The following CD200 variants were observed in gnomAD, a reference collection of about 807,000 sequenced individuals.
The protein encoded by CD200 is OX-2 membrane glycoprotein.
A neutral mutation model predicts 30.9 loss-of-function variants in CD200; 15 were observed. The ratio of observed to expected loss-of-function variants is 0.49; its 90% CI spans 0.32 to 0.75. The LOEUF is 0.75. CD200 is among the 30% of genes least tolerant of loss of function. The pLI, the probability that CD200 is intolerant of heterozygous loss-of-function variation, is 0.03. For synonymous variants in CD200, 134 were observed against 126.2 expected (o/e 1.06, Z -0.41); for missense variants, 262 against 324.2 (o/e 0.81, Z 1.47).
At position 112,340,214 on chromosome 3, in the gene CD200, C is replaced by T. The variant is rs955747989; in HGVS notation, c.13-688C>T. Among the ~76,000 whole-genome samples the T allele has an allele frequency of 2.0e-5, 3 of 152,098 alleles. No homozygotes were observed. The East Asian group carries it at 5.8e-4, about 29-fold the overall frequency. On this transcript the variant is annotated intron_variant, in intron 1 of 5. Transcript: ENST00000315711. ...ATACATACAGACCAAATGAATGGAT[C>T]CATGGCACTATTGCAGAGAAAAGTT...
chr3:112,354,323 T>A (rs549833049), intron 5 of CD200, among the ~76,000 whole-genome samples: 2 of 152,372 alleles, frequency 1.3e-5, no homozygotes, highest in African/African-American at 4.8e-5. Context: ...TAGCTGTCAG[T>A]ACCTGTTAGA....
Position 112,345,078 on chromosome 3 carries a change from A to G in CD200, c.211A>G (p.Ser71Gly), listed in dbSNP as rs759987567. The G allele has an allele frequency of 1.4e-5, 22 of 1,614,018 alleles. No individual in the cohort carries two copies. The highest frequency in any genetic ancestry group is 1.4e-5 in the Non-Finnish European group (17 of 1,180,026). Reference sequence around the variant, plus strand: ...GACATGGCAGAAAAAGAAAGCTGTAAGCCCAGAAAACATGGTCACCTTCAG... The same window carrying G: ...GACATGGCAGAAAAAGAAAGCTGTAGGCCCAGAAAACATGGTCACCTTCAG... ...IVTWQKKKAV[S>G]PENMVTFSEN... Residue 71 changes from serine to glycine, a missense_variant, in exon 3 of 6, where the codon AGC becomes GGC. By Grantham distance (56) the Ser-to-Gly change is moderately conservative (BLOSUM62 0). Transcript: ENST00000315711.
At position 112,333,181 on chromosome 3, in the gene CD200, C is replaced by A; in HGVS notation, c.-32C>A. 6.5e-7 allele frequency: 1 copy of A among 1,549,300 alleles called. No individual in the cohort carries two copies. Among genetic ancestry groups the A allele is most frequent in the Non-Finnish European group, 8.7e-7 (1 of 1,146,602 alleles). On this transcript the variant is annotated 5_prime_UTR_variant, in exon 1 of 6. Transcript: ENST00000315711. ...AGAGCTCCAGGCGCACATCCGCAGT[C>A]AGCCACCTCGCGCGCGCCTCCAGGA...
intron 1 of CD200, chr3:112,334,349 T>G (rs1199505388): frequency 1.7e-6 from 1 of 581,160 alleles, no homozygotes; most frequent in Non-Finnish European, 2.2e-6. Context: ...GCAAGGGTTA[T>G]AAGTGGGCTT....
At chr3:112,333,407 G>T in intron 1 of CD200, 183 bp downstream of exon 1, 1 of 985,436 alleles carries the variant, frequency 1.0e-6, no homozygotes, top group South Asian at 4.7e-5. Flanking sequence ...CTGAGAAACG[G>T]ATTTTGCCTT....
At chr3:112,351,776 C>T (rs1374192535) in intron 5 of CD200, among the ~76,000 whole-genome samples, 1 of 152,122 alleles carries the variant, frequency 6.6e-6, no homozygotes. Context: ...TATTTGGTTT[C>T]TAAAGGCTAT....
At chr3:112,333,790 G>A in intron 1 of CD200, 3 of 985,416 alleles carry the variant, frequency 3.0e-6, no homozygotes, top group Non-Finnish European at 3.6e-6. Flanking sequence ...ATCAGTTAAA[G>A]CTGAAGCTAC....
chr3:112,333,034 CACAG>C (rs1198280415), upstream of CD200: 12 of 828,650 alleles, frequency 1.4e-5, no homozygotes, highest in East Asian at 2.7e-5. Flanking sequence ...ATTCCCCCCA[CACAG>C]ACAGCCTCCG....
chr3:112,345,411 C>A lies in CD200; in HGVS notation c.421+123C>A. On this transcript the variant is annotated intron_variant, in intron 3 of 5. Transcript: ENST00000315711. ...ACAGAAAGGGTCATGAGAAGATAGC[C>A]TTTCTTGTCTACTATAGCTGTGTTT... The A allele has an allele frequency of 4.1e-6, 3 of 723,284 alleles. No homozygotes were observed. The South Asian group carries it at 5.5e-5, about 13-fold the overall frequency. 44.8% of individuals were successfully genotyped at this position (723,284 alleles called of 1,614,324 possible). A position where few individuals can be genotyped will look rare whatever the true frequency, so the allele number is the denominator to read the frequency against.
At position 112,361,685 on chromosome 3, in the gene CD200, C is replaced by T; in HGVS notation, c.*135C>T. ...AGGTGGGAGCGAAAGCCTTAAGGAT[C>T]CCACGACTTTTTACTGCCATCTGAG... On this transcript the variant is annotated 3_prime_UTR_variant, in exon 6 of 6. Transcript: ENST00000315711. 1 of 823,718 alleles carries T rather than the reference C, an allele frequency of 1.2e-6. No individual in the cohort carries two copies. Among genetic ancestry groups the T allele is most frequent in the South Asian group, 1.4e-5 (1 of 69,950 alleles). The allele number at this position is 823,718 out of a possible 1,614,324, so 51.0% of individuals were successfully genotyped here. A position where few individuals can be genotyped will look rare whatever the true frequency, so the allele number is the denominator to read the frequency against.
intron 5 of CD200, among the ~76,000 whole-genome samples, chr3:112,359,184 C>G (rs1265919391): frequency 6.6e-6 from 1 of 152,130 alleles, no homozygotes; most frequent in African/African-American, 2.4e-5. Context: ...AAAACTTCTT[C>G]AGACCAGATG....
At chr3:112,333,131 G>A, upstream of CD200, 4 of 1,538,672 alleles carry the variant, frequency 2.6e-6, no homozygotes, top group Non-Finnish European at 2.6e-6. Flanking sequence ...AGGGGCACAG[G>A]TGACGCTCCT....
intron 5 of CD200, among the ~76,000 whole-genome samples, chr3:112,356,907 G>C (rs187840790): frequency 3.8e-4 from 58 of 152,266 alleles, no homozygotes; most frequent in African/African-American, 5.3e-4. Flanking sequence ...GATAATAATT[G>C]TAACTGTATC....
At chr3:112,360,402 C>A (rs115236720) in intron 5 of CD200, among the ~76,000 whole-genome samples, 43 of 151,984 alleles carry the variant, frequency 2.8e-4, no homozygotes, top group Non-Finnish European at 5.9e-4. Flanking sequence ...GGTTGCCCAT[C>A]CAAGAAGTGT....
chr3:112,358,784 C>A (rs1046727763), intron 5 of CD200, among the ~76,000 whole-genome samples: 1 of 152,228 alleles, frequency 6.6e-6, no homozygotes, highest in Non-Finnish European at 1.5e-5. Flanking sequence ...TCTGTCTTCT[C>A]TGCACTAAAC....
Position 112,347,587 on chromosome 3 carries a change from T to G in CD200, c.451T>G (p.Phe151Val). ...VQPIVSLHYK[F>V]SEDHLNITCS... ...GCCCATAGTATCCCTTCACTACAAA[T>G]TCTCTGAAGACCACCTAAATATCAC... The change falls in exon 4 of 6, where the codon TTC becomes GTC. Residue 151 changes from phenylalanine to valine, a missense_variant. Transcript: ENST00000315711. 4 of 1,613,992 alleles carry G rather than the reference T, an allele frequency of 2.5e-6. No individual in the cohort carries two copies. Among genetic ancestry groups the G allele is most frequent in the Non-Finnish European group, 3.4e-6 (4 of 1,179,890 alleles).
chr3:112,359,403 A>G (rs912241716), intron 5 of CD200, among the ~76,000 whole-genome samples: 1 of 152,216 alleles, frequency 6.6e-6, no homozygotes, highest in East Asian at 1.9e-4. Context: ...TTCAAAATGC[A>G]TAGTCTCACC....
Position 112,344,995 on chromosome 3 carries a change from T to G in CD200, c.128T>G (p.Leu43Arg). 1 of 1,614,024 alleles carries G rather than the reference T, an allele frequency of 6.2e-7. No homozygotes were observed. Among genetic ancestry groups the G allele is most frequent in the Non-Finnish European group, 8.5e-7 (1 of 1,179,942 alleles). Residue 43 changes from leucine (L) to arginine (R), a missense_variant, in exon 3 of 6, where the codon CTG (leucine) becomes CGG (arginine). Coordinates refer to ENST00000315711, the MANE Select transcript of CD200 (RefSeq NM_005944.7). Reference protein sequence around the residue: ...QVVTQDEREQLYTPASLKCSL... With the variant: ...QVVTQDEREQRYTPASLKCSL... ...GTGACCCAGGATGAAAGAGAGCAGC[T>G]GTACACACCTGCTTCCTTAAAATGC...
At position 112,360,333 on chromosome 3, in the gene CD200, A is replaced by AAAAAAATATATAT. The variant is rs879786648; in HGVS notation, c.803-1209_803-1208insAAAAATATATATA. On this transcript the variant is annotated intron_variant, in intron 5 of 5. Transcript: ENST00000315711. ...ACACAGTGAGACTTCATCTAAAAAA[A>AAAAAAATATATAT]ATATATATATATATGTATATATTTT... Among the ~76,000 whole-genome samples, 122 of 141,286 alleles carry AAAAAAATATATAT rather than the reference A, an allele frequency of 8.6e-4. 1 individual carries two copies. The highest frequency in any genetic ancestry group is 2.9e-3 in the East Asian group (15 of 5,122). The allele number at this position is 141,286 out of a possible 152,430, so 92.7% of individuals were successfully genotyped here.
Sources: gnomAD v4.1 joint callset for allele counts (sites outside exome capture counted in the v4.1 genomes callset) on GRCh38, gnomAD v4.1.1 for gene constraint, MANE v1.5 for transcripts, NCBI Gene and HGNC (gene_info 2026-07-23, HGNC 2026-07-21) for gene names.